GRM1: variants seen among roughly 807,000 people sequenced by gnomAD.
GRM1 encodes glutamate metabotropic receptor 1.
Under a neutral mutation model 90.9 loss-of-function variants are expected in GRM1, and 33 were observed. The ratio of observed to expected loss-of-function variants is 0.36; its 90% confidence interval spans 0.28 to 0.49. GRM1 has a LOEUF of 0.49. Among genes scored for constraint, GRM1 ranks in the 20% least tolerant of loss-of-function variants. The pLI, the probability that GRM1 is intolerant of heterozygous loss-of-function variation, is 0.99. For missense variants in GRM1, 1,190 were observed against 1,534.3 expected (o/e 0.78, Z 3.75); for synonymous variants, 700 against 613.2 (o/e 1.14, Z -2.09).
At chr6:146,425,385 T>C (rs1459768795) in intron 7 of GRM1, among the ~76,000 whole-genome samples, 2 of 152,206 alleles carry the variant, frequency 1.3e-5, no homozygotes, top group Non-Finnish European at 2.9e-5. Context: ...GGGCATGGTC[T>C]CCTCCTGCAA....
At position 146,362,628 on chromosome 6, in the gene GRM1, G is replaced by A. The variant is rs562226727; in HGVS notation, c.1602+4934G>A. ...TGGGAGGCAGAGCTTGCAGTGAGCC[G>A]AGATAGCGCCTAGGTGACAGAGCGA... On this transcript the variant is annotated intron_variant, in intron 5 of 7. Coordinates refer to ENST00000282753, the MANE Select transcript of GRM1 (RefSeq NM_001278064.2). Among the ~76,000 whole-genome samples the A allele has an allele frequency of 3.0e-4, 40 of 132,380 alleles. No homozygotes were observed. In the South Asian group the frequency reaches 8.1e-3, roughly 27 times the overall value. 86.8% of individuals were successfully genotyped at this position (132,380 alleles called of 152,430 possible). A position where few individuals can be genotyped will look rare whatever the true frequency, so the allele number is the denominator to read the frequency against.
chr6:146,253,757 ACTATTC>A (rs1474799962), intron 2 of GRM1, among the ~76,000 whole-genome samples: 12 of 152,166 alleles, frequency 7.9e-5, no homozygotes, highest in Non-Finnish European at 1.5e-5. Flanking sequence ...CAAAATAAGA[ACTATTC>A]ACTGACAAAT....
intron 1 of GRM1, among the ~76,000 whole-genome samples, chr6:146,121,398 C>T (rs1195290068): frequency 6.6e-6 from 1 of 152,096 alleles, no homozygotes; most frequent in East Asian, 1.9e-4. Context: ...CTTCTGGATT[C>T]ATTGATTTTT....
At position 146,326,273 on chromosome 6, in the gene GRM1, G is replaced by A. The variant is rs185609189; in HGVS notation, c.1186+21427G>A. Among the ~76,000 whole-genome samples, 130 of 152,300 alleles carry A rather than the reference G, an allele frequency of 8.5e-4. 1 individual carries two copies. Among genetic ancestry groups the A allele is most frequent in the African/African-American group, 3.0e-3 (124 of 41,578 alleles). The stretch of plus-strand genomic sequence containing the variant: ...ACTATGCAGCCATAAAAAAGAATGA[G>A]GTTATGGCCTTTGCAGGGACACGGA... On this transcript the variant is annotated intron_variant, in intron 3 of 7. Transcript: ENST00000282753.
chr6:146,414,576 G>C (rs1777703394), intron 7 of GRM1, among the ~76,000 whole-genome samples: 1 of 151,866 alleles, frequency 6.6e-6, no homozygotes, highest in African/African-American at 2.4e-5. Context: ...CTAATTTTTT[G>C]TATTTTTAGT....
intron 2 of GRM1, among the ~76,000 whole-genome samples, chr6:146,231,269 C>G (rs1031102563): frequency 6.6e-6 from 1 of 152,112 alleles, no homozygotes; most frequent in African/African-American, 2.4e-5. Flanking sequence ...CAAGGCTATA[C>G]AGGAAATCAC....
At chr6:146,152,005 T>C (rs112076934) in intron 1 of GRM1, among the ~76,000 whole-genome samples, 9 of 152,194 alleles carry the variant, frequency 5.9e-5, no homozygotes, top group African/African-American at 1.9e-4. Flanking sequence ...AAATTGTGTA[T>C]GTTATGGACT....
chr6:146,326,742 CTATT>C (rs1484734684), intron 3 of GRM1, among the ~76,000 whole-genome samples: 2 of 152,122 alleles, frequency 1.3e-5, no homozygotes, highest in Admixed American at 6.5e-5. Context: ...TTACTGAAGA[CTATT>C]TATTTAACCA....
chr6:146,063,647 G>A (rs556864515), intron 1 of GRM1, among the ~76,000 whole-genome samples: 3 of 150,986 alleles, frequency 2.0e-5, no homozygotes, highest in Admixed American at 6.6e-5. Context: ...ATTTAATTCC[G>A]TATGCACAGT....
chr6:146,315,481 A>G (rs909425623), intron 3 of GRM1, among the ~76,000 whole-genome samples: 13 of 152,202 alleles, frequency 8.5e-5, no homozygotes, highest in Non-Finnish European at 1.5e-4. Context: ...TAATACTATT[A>G]TGCAATCCAT....
chr6:146,044,532 T>C (rs1164313176), intron 1 of GRM1, among the ~76,000 whole-genome samples: 1 of 151,932 alleles, frequency 6.6e-6, no homozygotes, highest in African/African-American at 2.4e-5. Context: ...GATGAGAAAA[T>C]GGAAGACACC....
chr6:146,407,124 C>A (rs1583455331), intron 7 of GRM1, among the ~76,000 whole-genome samples: 1 of 152,138 alleles, frequency 6.6e-6, no homozygotes, highest in African/African-American at 2.4e-5. Context: ...CACATGAAGG[C>A]CCTTAGAATA....
intron 1 of GRM1, among the ~76,000 whole-genome samples, chr6:146,031,169 G>A (rs1790693571): frequency 6.6e-6 from 1 of 152,020 alleles, no homozygotes; most frequent in South Asian, 2.1e-4. Flanking sequence ...CTTCACCTTA[G>A]GTTATATACA....
intron 1 of GRM1, among the ~76,000 whole-genome samples, chr6:146,046,601 T>C (rs533455456): frequency 6.6e-6 from 1 of 152,012 alleles, no homozygotes; most frequent in Non-Finnish European, 1.5e-5. Context: ...AGCAAGTTAG[T>C]CAATTTATTT....
At chr6:146,175,578 T>TA (rs1489143408) in intron 2 of GRM1, among the ~76,000 whole-genome samples, 8 of 152,166 alleles carry the variant, frequency 5.3e-5, no homozygotes, top group Non-Finnish European at 1.0e-4. Context: ...CTACAGAAGT[T>TA]AGTTTTTCCT....
chr6:146,194,653 A>G (rs1726367473), intron 2 of GRM1, among the ~76,000 whole-genome samples: 1 of 152,166 alleles, frequency 6.6e-6, no homozygotes. Flanking sequence ...TGCAGACACA[A>G]TTCTTTCCAG....
chr6:146,126,793 T>C (rs1776215301), intron 1 of GRM1, among the ~76,000 whole-genome samples: 1 of 152,192 alleles, frequency 6.6e-6, no homozygotes, highest in South Asian at 2.1e-4. Flanking sequence ...GAAGAAACTA[T>C]TTTAAATTTG....
At chr6:146,408,026 T>C (rs1777411959) in intron 7 of GRM1, among the ~76,000 whole-genome samples, 1 of 152,164 alleles carries the variant, frequency 6.6e-6, no homozygotes, top group African/African-American at 2.4e-5. Context: ...AGCAGAAATA[T>C]ATTGCTCACA....
intron 7 of GRM1, among the ~76,000 whole-genome samples, chr6:146,428,024 G>C (rs1373372699): frequency 6.6e-6 from 1 of 152,130 alleles, no homozygotes; most frequent in Non-Finnish European, 1.5e-5. Context: ...AGCTGAATGT[G>C]GTACATCCCT....
Sources: gnomAD v4.1 joint callset for allele counts (sites outside exome capture counted in the v4.1 genomes callset) on GRCh38, gnomAD v4.1.1 for gene constraint, MANE v1.5 for transcripts, NCBI Gene and HGNC (gene_info 2026-07-23, HGNC 2026-07-21) for gene names.